Variants in EPHA4 observed in about 807,000 individuals in gnomAD.
EPHA4 encodes EPH receptor A4.
Under a neutral mutation model 108.3 loss-of-function variants are expected in EPHA4, and 19 were observed. The observed-to-expected ratio is 0.18, with a 90% confidence interval of 0.12 to 0.26. EPHA4 has a LOEUF of 0.26. EPHA4 is among the 10% of genes least tolerant of loss of function. The pLI is 1.00. For missense variants in EPHA4, 917 were observed against 1,254.0 expected (o/e 0.73, Z 4.06); for synonymous variants, 449 against 455.5 (o/e 0.99, Z 0.18).
intron 3 of EPHA4, among the ~76,000 whole-genome samples, chr2:221,508,524 A>C (rs944742713): frequency 2.0e-5 from 3 of 151,270 alleles, no homozygotes; most frequent in Non-Finnish European, 2.9e-5. Context: ...GGTTGCAGGG[A>C]GCCAAGATCA....
At chr2:221,539,814 T>C (rs577829086) in intron 3 of EPHA4, among the ~76,000 whole-genome samples, 1 of 152,234 alleles carries the variant, frequency 6.6e-6, no homozygotes, top group African/African-American at 2.4e-5. Context: ...CAATGAAGGC[T>C]GGAAGGGTGT....
intron 2 of EPHA4, among the ~76,000 whole-genome samples, chr2:221,566,922 G>A (rs1694669808): frequency 1.6e-5 from 1 of 60,782 alleles, no homozygotes; most frequent in African/African-American, 9.6e-5. Context: ...AGGAGAAGGA[G>A]AAGGAGAAGG....
chr2:221,481,557 G>A lies in EPHA4; in HGVS notation c.1318+795C>T, dbSNP rs1691820607. 2.0e-5 allele frequency among the ~76,000 whole-genome samples: 3 copies of A among 152,138 alleles called. No homozygotes were observed. In the South Asian group the frequency reaches 6.2e-4, roughly 31 times the overall value. On this transcript the variant is annotated intron_variant, in intron 5 of 17. Transcript: ENST00000281821. Reference sequence around the variant, plus strand: ...TAGTCCCAGCTACTCGGGAGGCTGAGGCAGAAGAATTGGTTGAACTCCAGA... The same window carrying A: ...TAGTCCCAGCTACTCGGGAGGCTGAAGCAGAAGAATTGGTTGAACTCCAGA...
chr2:221,440,821 G>A (rs1257931843), intron 11 of EPHA4, among the ~76,000 whole-genome samples: 3 of 152,214 alleles, frequency 2.0e-5, no homozygotes, highest in African/African-American at 7.2e-5. Flanking sequence ...GAAAGAGAAA[G>A]ATTGAACAAG....
intron 8 of EPHA4, among the ~76,000 whole-genome samples, chr2:221,451,870 T>G (rs1317689768): frequency 6.6e-6 from 1 of 152,234 alleles, no homozygotes; most frequent in Admixed American, 6.5e-5. Flanking sequence ...GCTTACATGT[T>G]CCATTTGGCC....
intron 3 of EPHA4, among the ~76,000 whole-genome samples, chr2:221,549,473 A>C (rs997013455): frequency 6.6e-6 from 1 of 152,154 alleles, no homozygotes; most frequent in Non-Finnish European, 1.5e-5. Flanking sequence ...TCTCTCAATA[A>C]AAAGGAGAGT....
intron 8 of EPHA4, among the ~76,000 whole-genome samples, chr2:221,453,014 G>T (rs1437151830): frequency 6.6e-6 from 1 of 152,128 alleles, no homozygotes; most frequent in Non-Finnish European, 1.5e-5. Flanking sequence ...TTACAATGAG[G>T]TAACTTATTT....
chr2:221,566,106 A>G (rs1694619771), intron 2 of EPHA4, among the ~76,000 whole-genome samples: 1 of 152,154 alleles, frequency 6.6e-6, no homozygotes, highest in Non-Finnish European at 1.5e-5. Context: ...GGCTACAACG[A>G]TGTTATCAGG....
chr2:221,548,192 A>G (rs1694052737), intron 3 of EPHA4, among the ~76,000 whole-genome samples: 1 of 152,004 alleles, frequency 6.6e-6, no homozygotes, highest in Non-Finnish European at 1.5e-5. Flanking sequence ...GGTTGTTTAA[A>G]AGGGTCTGGG....
rs142196783 is a variant in EPHA4, at chr2:221,527,643, G to A, written c.824-26471C>T. Among the ~76,000 whole-genome samples, 832 of 152,330 alleles carry A rather than the reference G, an allele frequency of 5.5e-3. 10 individuals are homozygous for A. The highest frequency in any genetic ancestry group is 0.019 in the African/African-American group (779 of 41,564). ...CAATGGGGCAAGAGCGTGTGTCTGTGCTTCCTCAGGGCCACCTTCTCAAAT... is the reference window on the plus strand; with the variant it reads ...CAATGGGGCAAGAGCGTGTGTCTGTACTTCCTCAGGGCCACCTTCTCAAAT... On this transcript the variant is annotated intron_variant, in intron 3 of 17. Transcript: ENST00000281821.
intron 15 of EPHA4, 29 bp from the exon 16 acceptor site, chr2:221,426,648 G>C (rs1198965331): frequency 6.3e-7 from 1 of 1,592,796 alleles, no homozygotes; most frequent in South Asian, 1.1e-5. Flanking sequence ...AATATAAGCA[G>C]AACGGAGCTA....
At chr2:221,572,562 T>G, upstream of EPHA4, 1 of 211,172 alleles carries the variant, frequency 4.7e-6, no homozygotes, top group Non-Finnish European at 9.3e-6. Context: ...TCCCCCACGT[T>G]ACCTCGAAGG....
chr2:221,531,936 C>T (rs577493174), intron 3 of EPHA4, among the ~76,000 whole-genome samples: 1 of 152,116 alleles, frequency 6.6e-6, no homozygotes, highest in Non-Finnish European at 1.5e-5. Flanking sequence ...ATACCTTGTA[C>T]TGAATTTCCC....
intron 8 of EPHA4, among the ~76,000 whole-genome samples, chr2:221,451,541 T>G (rs1690785475): frequency 6.6e-6 from 1 of 152,154 alleles, no homozygotes; most frequent in African/African-American, 2.4e-5. Flanking sequence ...AATGTACAAA[T>G]AGAGATTTGT....
chr2:221,455,706 G>T, intron 7 of EPHA4, 48 bp from the exon 8 acceptor site: 1 of 1,441,918 alleles, frequency 6.9e-7, no homozygotes, highest in Non-Finnish European at 9.7e-7. Flanking sequence ...AGTCTTAGGA[G>T]GTAGAACTTC....
chr2:221,452,019 A>G (rs1690802830), intron 8 of EPHA4, among the ~76,000 whole-genome samples: 1 of 152,234 alleles, frequency 6.6e-6, no homozygotes, highest in Non-Finnish European at 1.5e-5. Flanking sequence ...CAAGATACCA[A>G]CTGTGAGCCT....
chr2:221,509,369 A>G (rs933820364), intron 3 of EPHA4, among the ~76,000 whole-genome samples: 2 of 152,200 alleles, frequency 1.3e-5, no homozygotes, highest in Non-Finnish European at 2.9e-5. Context: ...ACTTAAACTT[A>G]GTTATTTCGA....
chr2:221,433,975 T>C (rs1690156680), intron 14 of EPHA4, among the ~76,000 whole-genome samples, 167 bp downstream of exon 14: 1 of 152,206 alleles, frequency 6.6e-6, no homozygotes, highest in South Asian at 2.1e-4. Context: ...GTCCTTGAAA[T>C]CAATAGTCAT....
In EPHA4 at chr2:221,563,850, T is replaced by C. The variant is rs745555273; in HGVS notation, c.704A>G (p.Asn235Ser). 5.6e-6 allele frequency: 9 copies of C among 1,614,074 alleles called. No individual in the cohort carries two copies. The South Asian group carries it at 7.7e-5, about 14-fold the overall frequency. ...TGGCACATCTTTCTCTTCTGAGTTG[T>C]TGACACAGGAGCCTCGAACTTCCAC... ...SLVEVRGSCV[N>S]NSEEKDVPKM... is the part of the protein sequence containing the mutation. The change falls in exon 3 of 18, where the codon AAC (asparagine) becomes AGC (serine). Residue 235 changes from asparagine (N) to serine (S), a missense_variant. By Grantham distance (46) the Asn-to-Ser change is conservative. Transcript: ENST00000281821.
Sources: allele counts gnomAD v4.1 joint callset (sites outside exome capture counted in the v4.1 genomes callset), GRCh38; gene constraint gnomAD v4.1.1; transcripts MANE v1.5; gene names NCBI Gene and HGNC (gene_info 2026-07-23, HGNC 2026-07-21).